SV2C: variants seen among roughly 807,000 people sequenced by gnomAD.
The protein encoded by SV2C is solute carrier family 22 member B3.
A neutral mutation model predicts 79.7 loss-of-function variants in SV2C; 49 were observed. The observed-to-expected ratio is 0.61, with a 90% CI of 0.49 to 0.78. SV2C has a LOEUF of 0.78. Ranked by LOEUF, SV2C falls within the 30% of genes least tolerant of loss-of-function variation. The pLI, the probability that SV2C is intolerant of heterozygous loss-of-function variation, is 0.00. For missense variants in SV2C, 833 were observed against 912.9 expected, an observed-to-expected ratio of 0.91 and a Z score of 1.13; for synonymous variants, 334 against 333.2, an observed-to-expected ratio of 1.00 and a Z score of -0.03.
the SV2C span, among the ~76,000 whole-genome samples, chr5:75,933,108 A>G: frequency 6.6e-6 from 1 of 152,008 alleles, no homozygotes. Flanking sequence ...TTTTTCTTAC[A>G]ACTCTATCTA....
the SV2C span, among the ~76,000 whole-genome samples, chr5:75,885,632 C>T: frequency 1.3e-5 from 2 of 152,076 alleles, no homozygotes; most frequent in Admixed American, 6.6e-5. Context: ...GCACTACAGC[C>T]TGGAACTCCT....
the SV2C span, among the ~76,000 whole-genome samples, chr5:76,044,152 C>T: frequency 0.19 from 29,617 of 152,120 alleles, 3,210 homozygotes; most frequent in East Asian, 0.44. Flanking sequence ...CAAGTGAGAA[C>T]ATGCGATGTT....
upstream of SV2C, among the ~76,000 whole-genome samples, chr5:76,082,554 T>G (rs1316002945): frequency 6.7e-6 from 1 of 149,742 alleles, no homozygotes; most frequent in Non-Finnish European, 1.5e-5. Flanking sequence ...TTCTCCCTCC[T>G]CCTCCTTTCT....
chr5:76,271,295 A>G (rs1746844398), intron 4 of SV2C, among the ~76,000 whole-genome samples: 2 of 152,312 alleles, frequency 1.3e-5, no homozygotes, highest in African/African-American at 4.8e-5. Flanking sequence ...TGGCAAAGGA[A>G]TATAGATGTG....
At chr5:75,995,043 C>T in the SV2C span, among the ~76,000 whole-genome samples, 63 of 151,422 alleles carry the variant, frequency 4.2e-4, no homozygotes, top group East Asian at 1.2e-3. Flanking sequence ...AATGGATGTC[C>T]CCATTCAACG....
intron 1 of SV2C, among the ~76,000 whole-genome samples, chr5:76,084,352 G>A (rs1366161760): frequency 3.3e-5 from 5 of 152,186 alleles, no homozygotes; most frequent in Non-Finnish European, 7.3e-5. Flanking sequence ...AAAGCCATCA[G>A]CCGACCCTCT....
chr5:76,300,480 G>A (rs1435558263), intron 10 of SV2C, among the ~76,000 whole-genome samples: 1 of 152,058 alleles, frequency 6.6e-6, no homozygotes, highest in Non-Finnish European at 1.5e-5. Context: ...GAAGATAACT[G>A]GACCCCTTAA....
chr5:76,181,402 C>A (rs1743726722), intron 2 of SV2C, among the ~76,000 whole-genome samples: 1 of 152,208 alleles, frequency 6.6e-6, no homozygotes, highest in African/African-American at 2.4e-5. Flanking sequence ...CCTTTTCACA[C>A]TAGGGCTTTC....
the SV2C span, among the ~76,000 whole-genome samples, chr5:76,004,607 AT>A: frequency 6.6e-6 from 1 of 152,150 alleles, no homozygotes; most frequent in African/African-American, 2.4e-5. Flanking sequence ...TTATCTGGCA[AT>A]TAAGCAGCAT....
At chr5:75,983,292 G>A in the SV2C span, among the ~76,000 whole-genome samples, 8 of 152,016 alleles carry the variant, frequency 5.3e-5, no homozygotes, top group Non-Finnish European at 7.4e-5. Flanking sequence ...TTATGTGGCC[G>A]AAGAGCAGCT....
At chr5:76,003,669 G>T in the SV2C span, among the ~76,000 whole-genome samples, 299 of 152,214 alleles carry the variant, frequency 2.0e-3, 2 homozygotes, top group Non-Finnish European at 3.4e-3. Context: ...AAAATATGAT[G>T]ATTAAGTAAT....
chr5:76,295,941 A>G lies in SV2C; in HGVS notation c.1501A>G (p.Arg501Gly), dbSNP rs1747743512. 3.2e-6 allele frequency: 5 copies of G among 1,568,668 alleles called. No individual in the cohort carries two copies. In the East Asian group the frequency reaches 1.1e-4, roughly 36 times the overall value. The change falls in exon 9 of 13, where the codon AGA (arginine) becomes GGA (glycine). Residue 501 changes from arginine to glycine, a missense_variant and splice_region_variant. Arg to Gly is a moderately radical substitution (Grantham distance 125). Coordinates refer to ENST00000502798, the MANE Select transcript of SV2C (RefSeq NM_014979.4). ...TACTGGAATGGAATACGACAATGGC[A>G]GGTCTAGAAACTTGAAATAATTTAA... is the stretch of plus-strand genomic sequence containing the variant. Reference protein sequence around the residue: ...IHTGMEYDNGRFIGVKFKSVT... With the variant: ...IHTGMEYDNGGFIGVKFKSVT...
the SV2C span, among the ~76,000 whole-genome samples, chr5:76,043,473 C>T: frequency 2.0e-5 from 3 of 152,164 alleles, no homozygotes; most frequent in African/African-American, 7.2e-5. Context: ...GTTTAGGCTG[C>T]AGGATTTCAA....
chr5:76,013,531 ATAC>A, the SV2C span, among the ~76,000 whole-genome samples: 1 of 152,178 alleles, frequency 6.6e-6, no homozygotes, highest in Non-Finnish European at 1.5e-5. Flanking sequence ...TTTTCTAAAT[ATAC>A]AATCATGTCA....
At chr5:76,334,504 G>A (rs1749273585), downstream of SV2C, among the ~76,000 whole-genome samples, 1 of 152,148 alleles carries the variant, frequency 6.6e-6, no homozygotes, top group African/African-American at 2.4e-5. Flanking sequence ...GGTTGGTTCT[G>A]ATGTGGCTTG....
chr5:75,884,162 C>T, the SV2C span, among the ~76,000 whole-genome samples: 1 of 152,228 alleles, frequency 6.6e-6, no homozygotes, highest in Non-Finnish European at 1.5e-5. Context: ...TAACCATGCT[C>T]CCTGGGTGTG....
the SV2C span, among the ~76,000 whole-genome samples, chr5:76,006,870 A>G: frequency 1.3e-5 from 2 of 152,056 alleles, no homozygotes; most frequent in Admixed American, 6.6e-5. Context: ...CTGAATTCCT[A>G]TCTATCCAAA....
At chr5:75,897,349 G>C in the SV2C span, among the ~76,000 whole-genome samples, 56 of 151,706 alleles carry the variant, frequency 3.7e-4, no homozygotes, top group East Asian at 1.5e-3. Flanking sequence ...GCTTGTTTTT[G>C]TCAGGTTTGT....
At chr5:76,134,473 T>G (rs7711119) in intron 2 of SV2C, among the ~76,000 whole-genome samples, 6,080 of 152,284 alleles carry the variant, frequency 0.04, 383 homozygotes, top group African/African-American at 0.13. Context: ...AGGATCAAAA[T>G]GCAAGAAAGC....
Sources: gnomAD v4.1 joint callset for allele counts (sites outside exome capture counted in the v4.1 genomes callset) on GRCh38, gnomAD v4.1.1 for gene constraint, MANE v1.5 for transcripts, NCBI Gene and HGNC (gene_info 2026-07-23, HGNC 2026-07-21) for gene names.